The following OTOG variants were observed in gnomAD, a reference collection of about 807,000 sequenced individuals.
The protein encoded by OTOG is otogelin.
OTOG carries 296 observed loss-of-function variants against 313.8 expected under a neutral mutation model. That is an observed-to-expected ratio of 0.94 (90% CI 0.86 to 1.04). The LOEUF is 1.04. Among genes scored for constraint, OTOG ranks in the 50% least tolerant of loss-of-function variants. OTOG has a pLI of 0.00. For missense variants in OTOG, 3,948 were observed against 3,840.1 expected (o/e 1.03, Z -0.74); for synonymous variants, 1,533 against 1,554.9 (o/e 0.99, Z 0.33).
At chr11:17,627,285 A>G (rs1358791968) in intron 39 of OTOG, among the ~76,000 whole-genome samples, 3 of 149,634 alleles carry the variant, frequency 2.0e-5, no homozygotes, top group Admixed American at 6.6e-5. Context: ...ACTTTGAGGT[A>G]TGTTCCTTTT....
Position 17,547,935 on chromosome 11 carries a change from C to T in OTOG, c.103C>T (p.Pro35Ser). 1 of 465,662 alleles carries T rather than the reference C, an allele frequency of 2.1e-6. No homozygotes were observed. Among genetic ancestry groups the T allele is most frequent in the Admixed American group, 3.7e-5 (1 of 27,236 alleles). 28.8% of individuals were successfully genotyped at this position (465,662 alleles called of 1,614,324 possible). A position where few individuals can be genotyped will look rare whatever the true frequency, so the allele number is the denominator to read the frequency against. Reference sequence around the variant, plus strand: ...ATAATCCCCCTCCCCAGCCGCAGCACCCGTTCTGTGGGGCAGTGCAGAGCC... The same window carrying T: ...ATAATCCCCCTCCCCAGCCGCAGCATCCGTTCTGTGGGGCAGTGCAGAGCC... ...SLRVQRLAAA[P>S]VLWGSAEPQP... is the part of the protein sequence containing the mutation. Residue 35 changes from proline to serine, a missense_variant, in exon 2 of 56, where the codon CCC (proline) becomes TCC (serine). Transcript: ENST00000399397.
At chr11:17,561,920 G>C (rs1852195384) in intron 15 of OTOG, 113 bp downstream of exon 15, 2 of 1,313,138 alleles carry the variant, frequency 1.5e-6, no homozygotes, top group Non-Finnish European at 2.1e-6. Context: ...CCCACCTGCT[G>C]CCTCTTCTCT....
chr11:17,589,299 C>T (rs1055932094), intron 24 of OTOG, among the ~76,000 whole-genome samples: 1 of 152,140 alleles, frequency 6.6e-6, no homozygotes, highest in Non-Finnish European at 1.5e-5. Flanking sequence ...AACTATTCCA[C>T]TCTTTCTCCT....
At chr11:17,555,281 G>C (rs550928033) in intron 6 of OTOG, among the ~76,000 whole-genome samples, 49 of 152,100 alleles carry the variant, frequency 3.2e-4, no homozygotes, top group African/African-American at 1.1e-3. Context: ...GTAGGGGAAA[G>C]TTACAATCTG....
At chr11:17,574,499 AC>A (rs1359428603) in intron 19 of OTOG, among the ~76,000 whole-genome samples, 1 of 152,106 alleles carries the variant, frequency 6.6e-6, no homozygotes, top group African/African-American at 2.4e-5. Context: ...TGGTAGAAGG[AC>A]CCACCTGCTG....
chr11:17,589,233 G>A lies in OTOG; in HGVS notation c.2868-2217G>A, dbSNP rs76769175. 4.3e-3 allele frequency among the ~76,000 whole-genome samples: 649 copies of A among 152,214 alleles called. 5 individuals are homozygous for A. The highest frequency in any genetic ancestry group is 0.015 in the African/African-American group (623 of 41,508). Reference sequence around the variant, plus strand: ...AAGGGTCGAAAAGGCCCTTAGAGCTGATGGGCTCTCGGATTGTATTTCCCG... The same window carrying A: ...AAGGGTCGAAAAGGCCCTTAGAGCTAATGGGCTCTCGGATTGTATTTCCCG... On this transcript the variant is annotated intron_variant, in intron 24 of 55. Coordinates refer to ENST00000399397, the MANE Select transcript of OTOG (RefSeq NM_001292063.2).
At chr11:17,593,990 C>T in intron 27 of OTOG, 57 bp from the exon 28 acceptor site, 3 of 1,548,162 alleles carry the variant, frequency 1.9e-6, no homozygotes, top group Admixed American at 2.0e-5. Context: ...GACCCCTCTG[C>T]CCGTGGCTCA....
intron 49 of OTOG, 84 bp downstream of exon 49, chr11:17,639,547 C>G (rs1182635708): frequency 3.5e-6 from 5 of 1,427,126 alleles, no homozygotes; most frequent in Non-Finnish European, 4.8e-6. Context: ...GAATCTGCTC[C>G]TTTAATCTAG....
Position 17,609,740 on chromosome 11 carries a change from T to G in OTOG, c.4440T>G (p.Asp1480Glu), listed in dbSNP as rs1203454934. Reference sequence around the variant, plus strand: ...GTCAAGGGTTGCCCACTCCCAGTGATGAGGAGCCACAGCTGTCACAGGAAA... The same window carrying G: ...GTCAAGGGTTGCCCACTCCCAGTGAGGAGGAGCCACAGCTGTCACAGGAAA... Reference protein sequence around the residue: ...PPSQGLPTPSDEEPQLSQESP... With the variant: ...PPSQGLPTPSEEEPQLSQESP... Residue 1480 changes from aspartate (D) to glutamate (E), a missense_variant, in exon 36 of 56, where the codon GAT becomes GAG. Physicochemically the swap from Asp to Glu is conservative, Grantham distance 45. Transcript: ENST00000399397. 6.5e-7 allele frequency: 1 copy of G among 1,547,758 alleles called. No individual in the cohort carries two copies. Among genetic ancestry groups the G allele is most frequent in the Non-Finnish European group, 8.7e-7 (1 of 1,145,612 alleles).
chr11:17,547,966 C>A lies in OTOG; in HGVS notation c.134C>A (p.Pro45Gln). The part of the protein sequence containing the change: ...PVLWGSAEPQ[P>Q]EPAGQPSSSH... ...CTGTGGGGCAGTGCAGAGCCACAGC[C>A]AGAGCCAGCCGGGCAACCCAGGTGA... Residue 45 changes from proline (P) to glutamine (Q), a missense_variant, in exon 2 of 56, where the codon CCA becomes CAA. Pro to Gln is a moderately conservative substitution (Grantham distance 76). Transcript: ENST00000399397. The A allele has an allele frequency of 1.8e-6, 1 of 558,030 alleles. No homozygotes were observed. The highest frequency in any genetic ancestry group is 3.0e-6 in the Non-Finnish European group (1 of 332,558). 34.6% of individuals were successfully genotyped at this position (558,030 alleles called of 1,614,324 possible). A position where few individuals can be genotyped will look rare whatever the true frequency, so the allele number is the denominator to read the frequency against.
chr11:17,624,293 A>G (rs570457144), intron 39 of OTOG, among the ~76,000 whole-genome samples: 3 of 152,314 alleles, frequency 2.0e-5, no homozygotes, highest in South Asian at 4.1e-4. Flanking sequence ...TGGCTCTTAC[A>G]TTTAAGTCTT....
At chr11:17,572,312 A>G in intron 18 of OTOG, 108 bp downstream of exon 18, 1 of 1,422,536 alleles carries the variant, frequency 7.0e-7, no homozygotes, top group Non-Finnish European at 9.4e-7. Context: ...CCAAATTTGT[A>G]GGAGTGATAA....
intron 32 of OTOG, 35 bp from the exon 33 acceptor site, chr11:17,605,822 G>A (rs925425229): frequency 4.6e-6 from 7 of 1,506,654 alleles, no homozygotes; most frequent in Middle Eastern, 1.7e-4. Flanking sequence ...CTGGACCTCT[G>A]CCTGTACTGA....
chr11:17,631,740 A>C lies in OTOG; in HGVS notation c.6751A>C (p.Lys2251Gln). The C allele has an allele frequency of 6.4e-7, 1 of 1,550,606 alleles. No homozygotes were observed. Among genetic ancestry groups the C allele is most frequent in the Non-Finnish European group, 8.7e-7 (1 of 1,146,988 alleles). The change falls in exon 41 of 56, where the codon AAG becomes CAG. Residue 2251 changes from lysine (K) to glutamine (Q), a missense_variant. Lys to Gln is a moderately conservative substitution (Grantham distance 53, BLOSUM62 1). Transcript: ENST00000399397. ...DGDAANDLTL[K>Q]DGSVVGGAED... Reference sequence around the variant, plus strand: ...AGATGCAGCCAATGACCTTACCCTGAAGGATGGCTCAGTGGTGGGTGGGGC... The same window carrying C: ...AGATGCAGCCAATGACCTTACCCTGCAGGATGGCTCAGTGGTGGGTGGGGC...
intron 34 of OTOG, 65 bp from the exon 35 acceptor site, chr11:17,609,065 G>A (rs1266575374): frequency 6.1e-6 from 8 of 1,308,558 alleles, no homozygotes; most frequent in East Asian, 5.0e-5. Context: ...GTGCTCAATC[G>A]AGAGAAAAAG....
At chr11:17,582,023 G>A (rs1590018618) in intron 23 of OTOG, among the ~76,000 whole-genome samples, 1 of 151,894 alleles carries the variant, frequency 6.6e-6, no homozygotes, top group African/African-American at 2.4e-5. Flanking sequence ...TTTCTATCCC[G>A]GTAGTATTCC....
intron 6 of OTOG, among the ~76,000 whole-genome samples, chr11:17,554,810 C>T (rs1379731730): frequency 1.3e-5 from 2 of 152,054 alleles, no homozygotes; most frequent in East Asian, 1.9e-4. Context: ...GCCATACACT[C>T]GTGGGTTACA....
chr11:17,597,673 TTAA>T (rs1228196395), intron 30 of OTOG, among the ~76,000 whole-genome samples: 3 of 152,176 alleles, frequency 2.0e-5, no homozygotes, highest in African/African-American at 7.2e-5. Flanking sequence ...AATTTAAAAA[TTAA>T]TATTTAAAAG....
At position 17,573,095 on chromosome 11, in the gene OTOG, G is replaced by A. The variant is rs113745835; in HGVS notation, c.2098G>A (p.Ala700Thr). 8.7e-4 allele frequency: 1,342 copies of A among 1,548,268 alleles called. 13 individuals are homozygous for A. The African/African-American group carries it at 0.014, about 17-fold the overall frequency. ...TTCCCCAGCCTCCTACTCAGTGCAG[G>A]CCTGCAGCGTGCTCACGGGGGAGAT... ...HLQAASYSVQ[A>T]CSVLTGEMFA... Residue 700 changes from alanine to threonine, a missense_variant, in exon 19 of 56, where the codon GCC (alanine) becomes ACC (threonine). By Grantham distance (58) the Ala-to-Thr change is moderately conservative (BLOSUM62 0). Transcript: ENST00000399397.
Sources: gnomAD v4.1 joint callset for allele counts (sites outside exome capture counted in the v4.1 genomes callset) on GRCh38, gnomAD v4.1.1 for gene constraint, MANE v1.5 for transcripts, NCBI Gene and HGNC (gene_info 2026-07-23, HGNC 2026-07-21) for gene names.